PCDH7: variants seen among roughly 807,000 people sequenced by gnomAD.
The protein encoded by PCDH7 is protocadherin 7.
Under a neutral mutation model 58.9 loss-of-function variants are expected in PCDH7, and 17 were observed. The observed-to-expected ratio is 0.29, with a 90% CI of 0.20 to 0.43. The LOEUF is 0.43. PCDH7 is among the 20% of genes least tolerant of loss of function. The pLI, the probability that PCDH7 is intolerant of heterozygous loss-of-function variation, is 1.00. For synonymous variants in PCDH7, 664 were observed against 616.4 expected, an observed-to-expected ratio of 1.08 and a Z score of -1.14; for missense variants, 1,274 against 1,441.0, an observed-to-expected ratio of 0.88 and a Z score of 1.88.
At chr4:31,127,877 G>T (rs899245734) in intron 3 of PCDH7, among the ~76,000 whole-genome samples, 1 of 151,810 alleles carries the variant, frequency 6.6e-6, no homozygotes, top group Non-Finnish European at 1.5e-5. Context: ...CACAGAAATA[G>T]CCAAAATACA....
At chr4:31,134,328 T>C (rs1487958682) in intron 3 of PCDH7, among the ~76,000 whole-genome samples, 1 of 151,832 alleles carries the variant, frequency 6.6e-6, no homozygotes, top group Non-Finnish European at 1.5e-5. Flanking sequence ...GGCATGGGGG[T>C]ACATCCCTGT....
chr4:31,041,582 AC>A (rs568016757), intron 3 of PCDH7, among the ~76,000 whole-genome samples: 116 of 151,356 alleles, frequency 7.7e-4, no homozygotes, highest in Non-Finnish European at 1.4e-3. Context: ...GTTACCCCCC[AC>A]CCCCTTGCAT....
chr4:30,964,755 C>G (rs535362541), intron 3 of PCDH7, among the ~76,000 whole-genome samples: 1 of 152,168 alleles, frequency 6.6e-6, no homozygotes, highest in Admixed American at 6.5e-5. Context: ...CATCCATTTC[C>G]ACTCATTCAG....
intron 1 of PCDH7, chr4:30,725,156 G>C (rs937767865): frequency 1.0e-6 from 1 of 999,846 alleles, no homozygotes; most frequent in Non-Finnish European, 1.2e-6. Context: ...GAAACTGCTG[G>C]TTTAAAAATA....
intron 2 of PCDH7, among the ~76,000 whole-genome samples, chr4:30,947,021 A>T (rs1178104271): frequency 1.3e-5 from 2 of 151,962 alleles, no homozygotes; most frequent in Non-Finnish European, 2.9e-5. Context: ...CTTACCCCTT[A>T]TTCTTTTATC....
At chr4:31,112,693 AAATAGCAACTGG>A (rs1716477667) in intron 3 of PCDH7, among the ~76,000 whole-genome samples, 2 of 152,154 alleles carry the variant, frequency 1.3e-5, no homozygotes, top group Non-Finnish European at 2.9e-5. Flanking sequence ...TCATAATTAA[AAATAGCAACTGG>A]AATAGAATTA....
At chr4:31,083,926 TA>T in intron 3 of PCDH7, among the ~76,000 whole-genome samples, 1 of 152,248 alleles carries the variant, frequency 6.6e-6, no homozygotes, top group East Asian at 1.9e-4. Context: ...AAATTTTCTT[TA>T]AAACTTTTAA....
chr4:31,077,735 G>A (rs1478578980), intron 3 of PCDH7, among the ~76,000 whole-genome samples: 4 of 152,138 alleles, frequency 2.6e-5, no homozygotes, highest in African/African-American at 9.7e-5. Context: ...GATAAGGAAA[G>A]CACATTTTAT....
chr4:30,727,405 G>A (rs576944921), intron 1 of PCDH7, among the ~76,000 whole-genome samples: 15 of 151,974 alleles, frequency 9.9e-5, no homozygotes, highest in African/African-American at 3.6e-4. Context: ...ACATAGACTT[G>A]AGAGCCATTC....
Position 30,731,633 on chromosome 4 carries a change from G to A in PCDH7, c.*845G>A, listed in dbSNP as rs548835097. On this transcript the variant is annotated 3_prime_UTR_variant, in exon 2 of 2. Transcript: ENST00000361762. Reference sequence around the variant, plus strand: ...TGGCTTTCTGTTCTTTATGGACTACGTTTATCAGAAGTCCATATTTATTAA... The same window carrying A: ...TGGCTTTCTGTTCTTTATGGACTACATTTATCAGAAGTCCATATTTATTAA... The A allele has an allele frequency of 8.5e-5, 13 of 152,094 alleles. No individual in the cohort carries two copies. In the East Asian group the frequency reaches 2.3e-3, roughly 27 times the overall value. 9.4% of individuals were successfully genotyped at this position (152,094 alleles called of 1,614,324 possible). A position where few individuals can be genotyped will look rare whatever the true frequency, so the allele number is the denominator to read the frequency against.
chr4:31,086,719 C>T (rs891748373), intron 3 of PCDH7, among the ~76,000 whole-genome samples: 7 of 152,086 alleles, frequency 4.6e-5, no homozygotes, highest in African/African-American at 1.7e-4. Context: ...TGGCATCTAT[C>T]TTAAAACAGG....
At chr4:30,951,545 A>G (rs1229340228) in intron 3 of PCDH7, among the ~76,000 whole-genome samples, 1 of 152,124 alleles carries the variant, frequency 6.6e-6, no homozygotes, top group Non-Finnish European at 1.5e-5. Flanking sequence ...AGGTCTTCGC[A>G]CGGTTAGGTC....
chr4:30,728,277 G>GTATA (rs201692269), intron 1 of PCDH7, among the ~76,000 whole-genome samples: 31 of 139,714 alleles, frequency 2.2e-4, no homozygotes, highest in African/African-American at 6.3e-4. Flanking sequence ...ACATACATAT[G>GTATA]TATATATATA....
At chr4:30,996,562 A>C (rs1249427621) in intron 3 of PCDH7, among the ~76,000 whole-genome samples, 2 of 152,154 alleles carry the variant, frequency 1.3e-5, no homozygotes, top group Admixed American at 6.6e-5. Flanking sequence ...TTTCGAGATC[A>C]TCTTGGGACA....
chr4:30,770,468 T>C (rs1721257701), intron 1 of PCDH7, among the ~76,000 whole-genome samples: 1 of 152,142 alleles, frequency 6.6e-6, no homozygotes, highest in Non-Finnish European at 1.5e-5. Context: ...TGGAAACTGT[T>C]TGGGGTGAAG....
rs1757024471 is a variant in PCDH7 at position 31,054,892 on chromosome 4, T to A, written c.*8-87581T>A. Reference sequence around the variant, plus strand: ...TCTTTTATTTAAGAACATTTCTTAATGTTGAGTTTATGAAATCTATCAACC... The same window carrying A: ...TCTTTTATTTAAGAACATTTCTTAAAGTTGAGTTTATGAAATCTATCAACC... On this transcript the variant is annotated intron_variant, in intron 3 of 3. Transcript: ENST00000509759. Among the ~76,000 whole-genome samples, 4 of 152,336 alleles carry A rather than the reference T, an allele frequency of 2.6e-5. No individual in the cohort carries two copies. In the South Asian group the frequency reaches 8.3e-4, roughly 32 times the overall value.
In PCDH7 at chr4:30,820,879, G is replaced by A. The variant is rs183310185; in HGVS notation, c.70+96283G>A. Among the ~76,000 whole-genome samples the A allele has an allele frequency of 8.5e-5, 13 of 152,122 alleles. No individual in the cohort carries two copies. The East Asian group carries it at 1.4e-3, about 16-fold the overall frequency. On this transcript the variant is annotated intron_variant, in intron 1 of 3. Transcript: ENST00000509759. ...TACAGTAAAGAAAATTTGAGGGGTT[G>A]TTATTGCATTTTGCATGGTATTTTA...
chr4:30,974,246 C>CCTTTCCTTTCCTTTCCT (rs1553921639), intron 3 of PCDH7, among the ~76,000 whole-genome samples: 1 of 129,358 alleles, frequency 7.7e-6, no homozygotes, highest in South Asian at 2.6e-4. Flanking sequence ...TTCTTTCTTT[C>CCTTTCCTTTCCTTTCCT]TTCCTTTCCT....
At chr4:30,765,796 G>C (rs944331359) in intron 1 of PCDH7, among the ~76,000 whole-genome samples, 1 of 152,116 alleles carries the variant, frequency 6.6e-6, no homozygotes. Flanking sequence ...AATTGAAGAA[G>C]GCACCAAAGG....
Sources: gnomAD v4.1 joint callset for allele counts (sites outside exome capture counted in the v4.1 genomes callset) on GRCh38, gnomAD v4.1.1 for gene constraint, MANE v1.5 for transcripts, NCBI Gene and HGNC (gene_info 2026-07-23, HGNC 2026-07-21) for gene names.